The following WNT7B variants were observed in gnomAD, a reference collection of about 807,000 sequenced individuals.
WNT7B encodes Wnt family member 7B, also known as protein Wnt-7b.
In WNT7B, 19 loss-of-function variants were observed where a neutral mutation model predicts 38.2. The ratio of observed to expected loss-of-function variants is 0.50; its 90% CI spans 0.35 to 0.73. The LOEUF (loss-of-function observed/expected upper bound fraction) is 0.73. Ranked by LOEUF, WNT7B falls within the 30% of genes least tolerant of loss-of-function variation. The pLI is 0.01. For missense variants in WNT7B, 423 were observed against 507.9 expected, an observed-to-expected ratio of 0.83 and a Z score of 1.61; for synonymous variants, 243 against 209.3, an observed-to-expected ratio of 1.16 and a Z score of -1.39.
chr22:45,968,564 G>A (rs971031911), intron 1 of WNT7B, among the ~76,000 whole-genome samples: 2 of 152,206 alleles, frequency 1.3e-5, no homozygotes, highest in African/African-American at 4.8e-5. Flanking sequence ...TTATCCTACA[G>A]GCCTCAGTGC....
Position 45,923,345 on chromosome 22 carries a change from A to G in WNT7B, c.571-10T>C. 1 of 1,590,984 alleles carries G rather than the reference A, an allele frequency of 6.3e-7. No homozygotes were observed. The highest frequency in any genetic ancestry group is 8.6e-7 in the Non-Finnish European group (1 of 1,165,726). ...TCCGGTCCTCTAGAACCTGCGGGTG[A>G]CAGGGAAGCTGCTCGGCACGGCATG... On this transcript the variant is annotated splice_polypyrimidine_tract_variant and intron_variant, in intron 3 of 3. Transcript: ENST00000339464.
Position 45,946,162 on chromosome 22 carries a change from G to A in WNT7B, c.298+3758C>T, listed in dbSNP as rs552858179. On this transcript the variant is annotated intron_variant, in intron 2 of 3. Coordinates refer to ENST00000339464, the MANE Select transcript of WNT7B (RefSeq NM_058238.3). The stretch of plus-strand genomic sequence containing the variant: ...TCCTATGCCTTCTGGACCCTCCAGA[G>A]CTTCACTGGTACTCCAGCCCTGCCC... Among the ~76,000 whole-genome samples the A allele has an allele frequency of 7.2e-5, 11 of 152,314 alleles. No individual in the cohort carries two copies. In the South Asian group the frequency reaches 2.3e-3, roughly 32 times the overall value.
chr22:45,926,843 G>A, intron 3 of WNT7B: 2 of 985,446 alleles, frequency 2.0e-6, no homozygotes, highest in Non-Finnish European at 2.4e-6. Context: ...GGAGAGTGTG[G>A]AGGGTGTGCC....
At chr22:45,943,773 G>C (rs1380623248) in intron 2 of WNT7B, among the ~76,000 whole-genome samples, 2 of 152,236 alleles carry the variant, frequency 1.3e-5, no homozygotes, top group Non-Finnish European at 1.5e-5. Context: ...TCATGTGACA[G>C]GGCCCAGCCC....
intron 3 of WNT7B, chr22:45,926,737 C>T (rs1192073901): frequency 2.0e-6 from 2 of 985,288 alleles, no homozygotes; most frequent in African/African-American, 3.5e-5. Flanking sequence ...CCCTCAGGGA[C>T]ACAGCACACG....
At chr22:45,939,614 C>A (rs1208300081) in intron 2 of WNT7B, among the ~76,000 whole-genome samples, 1 of 143,984 alleles carries the variant, frequency 6.9e-6, no homozygotes, top group African/African-American at 2.7e-5. Context: ...GGCAACATGG[C>A]AAAACCCTGT....
At chr22:45,958,022 C>T (rs1176392986) in intron 1 of WNT7B, among the ~76,000 whole-genome samples, 1 of 152,236 alleles carries the variant, frequency 6.6e-6, no homozygotes, top group East Asian at 1.9e-4. Context: ...GTGCAGGAGA[C>T]CTCAGGGAGT....
intron 2 of WNT7B, among the ~76,000 whole-genome samples, chr22:45,943,639 T>C (rs1601726991): frequency 6.6e-6 from 1 of 152,090 alleles, no homozygotes; most frequent in South Asian, 2.1e-4. Flanking sequence ...TGGCGGGCGG[T>C]TCCCTGAGAG....
chr22:45,946,256 TG>T (rs953093460), intron 2 of WNT7B, among the ~76,000 whole-genome samples: 8 of 152,218 alleles, frequency 5.3e-5, no homozygotes, highest in Non-Finnish European at 1.2e-4. Context: ...CTCGGCTTTC[TG>T]GCCCCAGAGC....
chr22:45,922,649 A>C lies in WNT7B; in HGVS notation c.*207T>G. The C allele has an allele frequency of 1.3e-6, 1 of 770,638 alleles. No homozygotes were observed. The highest frequency in any genetic ancestry group is 2.0e-6 in the Non-Finnish European group (1 of 499,366). The allele number at this position is 770,638 out of a possible 1,614,324, so 47.7% of individuals were successfully genotyped here. On this transcript the variant is annotated 3_prime_UTR_variant, in exon 4 of 4. Transcript: ENST00000339464. ...GTCACGGGTGCTGTTCTGCCGCAGGAGGTGATGGGAGGAGGTGGCAGGAAG... is the reference window on the plus strand; with the variant it reads ...GTCACGGGTGCTGTTCTGCCGCAGGCGGTGATGGGAGGAGGTGGCAGGAAG...
intron 1 of WNT7B, among the ~76,000 whole-genome samples, chr22:45,957,884 C>T (rs1490204330): frequency 3.9e-5 from 6 of 152,188 alleles, no homozygotes; most frequent in Non-Finnish European, 5.9e-5. Flanking sequence ...CCAGAATGCC[C>T]TGCCAGGGCT....
chr22:45,926,903 C>A lies in WNT7B; in HGVS notation c.571-3568G>T, dbSNP rs1037086789. The A allele has an allele frequency of 3.0e-6, 3 of 985,308 alleles. No homozygotes were observed. The African/African-American group carries it at 5.2e-5, about 17-fold the overall frequency. The allele number at this position is 985,308 out of a possible 1,614,324, so 61.0% of individuals were successfully genotyped here. On this transcript the variant is annotated intron_variant, in intron 3 of 3. Transcript: ENST00000339464. ...TAGGACGGTGTGAACAATGCGCCCA[C>A]CCAGCAGGACGCTGTGGACCCTCAG...
chr22:45,972,547 TCGCTCTGGCTCACTTCTCCAAGTCTC>T (rs1468955891), intron 1 of WNT7B: 5 of 161,436 alleles, frequency 3.1e-5, no homozygotes, highest in African/African-American at 1.2e-4. Flanking sequence ...GCTCTGTCGC[TCGCTCTGGCTCACTTCTCCAAGTCTC>T]CCGAGGCGCG....
chr22:45,934,194 C>G (rs1295274025), intron 2 of WNT7B, among the ~76,000 whole-genome samples: 1 of 152,210 alleles, frequency 6.6e-6, no homozygotes, highest in African/African-American at 2.4e-5. Context: ...ATTCAAAGAC[C>G]AGGAAGGCTG....
intron 3 of WNT7B, chr22:45,925,589 C>T: frequency 1.0e-6 from 1 of 985,306 alleles, no homozygotes; most frequent in Non-Finnish European, 1.2e-6. Flanking sequence ...CCTCTCCCAT[C>T]CTGTCCATCA....
intron 2 of WNT7B, among the ~76,000 whole-genome samples, chr22:45,944,566 G>A (rs1289952610): frequency 1.3e-5 from 2 of 152,208 alleles, no homozygotes; most frequent in Non-Finnish European, 2.9e-5. Context: ...CTGTTGAGCT[G>A]CCTTGGGCTG....
chr22:45,956,859 G>A (rs1932074962), intron 1 of WNT7B, among the ~76,000 whole-genome samples: 1 of 152,160 alleles, frequency 6.6e-6, no homozygotes. Flanking sequence ...TGTAATCCCA[G>A]CACTTTGGGA....
At chr22:45,954,114 G>A (rs1440868904) in intron 1 of WNT7B, among the ~76,000 whole-genome samples, 1 of 152,230 alleles carries the variant, frequency 6.6e-6, no homozygotes, top group Admixed American at 6.5e-5. Context: ...CCACGGCATG[G>A]AGGAACCTCA....
Position 45,966,792 on chromosome 22 carries a change from C to T in WNT7B, c.71+9892G>A, listed in dbSNP as rs556631625. On this transcript the variant is annotated intron_variant, in intron 1 of 3. Transcript: ENST00000339464. This position sits in a 1 kb window ranked among gnomAD's most constrained non-coding sequence, Gnocchi z 4.2. Reference sequence around the variant, plus strand: ...TGGCCCTGTGCCAAGCCTCACTTGCCACTCTACTACTGAGACTGTGGGATG... The same window carrying T: ...TGGCCCTGTGCCAAGCCTCACTTGCTACTCTACTACTGAGACTGTGGGATG... 9.2e-5 allele frequency among the ~76,000 whole-genome samples: 14 copies of T among 152,348 alleles called. No individual in the cohort carries two copies. In the East Asian group the frequency reaches 2.5e-3, roughly 27 times the overall value.
Sources: allele counts gnomAD v4.1 joint callset (sites outside exome capture counted in the v4.1 genomes callset), GRCh38; gene constraint gnomAD v4.1.1; non-coding constraint Gnocchi (gnomAD v3.1); transcripts MANE v1.5; gene names NCBI Gene and HGNC (gene_info 2026-07-23, HGNC 2026-07-21).